Variants in ITGA1 observed in about 807,000 individuals in gnomAD.
The protein encoded by ITGA1 is integrin alpha-1.
ITGA1 carries 85 observed loss-of-function variants against 145.9 expected under a neutral mutation model. The ratio of observed to expected loss-of-function variants is 0.58; its 90% CI spans 0.49 to 0.70. The LOEUF is 0.70. ITGA1 is among the 30% of genes least tolerant of loss of function. The pLI, the probability that ITGA1 is intolerant of heterozygous loss-of-function variation, is 0.00. For missense variants in ITGA1, 1,351 were observed against 1,418.7 expected, an observed-to-expected ratio of 0.95 and a Z score of 0.77; for synonymous variants, 520 against 495.3, an observed-to-expected ratio of 1.05 and a Z score of -0.66.
intron 1 of ITGA1, among the ~76,000 whole-genome samples, chr5:52,823,455 C>T (rs1748911033): frequency 6.6e-6 from 1 of 152,196 alleles, no homozygotes; most frequent in Non-Finnish European, 1.5e-5. Context: ...ATCCACCCAC[C>T]TCAGTCTCCC....
At chr5:52,928,101 G>C (rs75566290) in intron 20 of ITGA1, among the ~76,000 whole-genome samples, 1 of 152,026 alleles carries the variant, frequency 6.6e-6, no homozygotes, top group Admixed American at 6.6e-5. Context: ...ATATATTTCT[G>C]TTATTTATAA....
Position 52,954,559 on chromosome 5 carries a change from T to C in ITGA1, c.*2108T>C, listed in dbSNP as rs1371510412. On this transcript the variant is annotated 3_prime_UTR_variant, in exon 29 of 29. Transcript: ENST00000282588. ...TTTAACATAAGTCATTCCTGGCTAT[T>C]AAGTAAAATATTTCATGAACCAGAA... The C allele has an allele frequency of 6.6e-6, 1 of 152,216 alleles. No individual in the cohort carries two copies. The highest frequency in any genetic ancestry group is 2.4e-5 in the African/African-American group (1 of 41,450). The allele number at this position is 152,216 out of a possible 1,614,324, so 9.4% of individuals were successfully genotyped here.
chr5:52,896,344 A>G (rs1579704397), intron 9 of ITGA1, among the ~76,000 whole-genome samples: 1 of 152,202 alleles, frequency 6.6e-6, no homozygotes, highest in East Asian at 1.9e-4. Flanking sequence ...TAAGTGAGAA[A>G]ACACCTGAAA....
intron 18 of ITGA1, among the ~76,000 whole-genome samples, chr5:52,924,127 C>A (rs1215569934): frequency 3.3e-5 from 5 of 152,118 alleles, no homozygotes; most frequent in Admixed American, 3.3e-4. Context: ...AATTCTTTTT[C>A]CCCATACACC....
rs1353945002 is a variant in ITGA1, at chr5:52,958,321, C to T, written c.*5870C>T. The T allele has an allele frequency of 6.6e-6, 1 of 152,204 alleles. No homozygotes were observed. Among genetic ancestry groups the T allele is most frequent in the African/African-American group, 2.4e-5 (1 of 41,442 alleles). 9.4% of individuals were successfully genotyped at this position (152,204 alleles called of 1,614,324 possible). On this transcript the variant is annotated 3_prime_UTR_variant, in exon 29 of 29. Transcript: ENST00000282588. ...CTCCTCAAAATACTTTAAGCTCACT[C>T]AGACCCCATATACCCTGCCCACAAT...
intron 6 of ITGA1, among the ~76,000 whole-genome samples, chr5:52,868,058 G>T (rs1580070496): frequency 6.6e-6 from 1 of 151,970 alleles, no homozygotes; most frequent in Non-Finnish European, 1.5e-5. Context: ...TTGTGTTCCC[G>T]CTTTCTCCAC....
intron 1 of ITGA1, among the ~76,000 whole-genome samples, chr5:52,820,660 T>C (rs1748864545): frequency 6.6e-6 from 1 of 152,134 alleles, no homozygotes. Flanking sequence ...TGCTAGGGAC[T>C]CTGGGACATA....
intron 9 of ITGA1, among the ~76,000 whole-genome samples, chr5:52,896,267 A>G (rs7735139): frequency 0.26 from 39,329 of 152,072 alleles, 5,155 homozygotes; most frequent in South Asian, 0.35. Context: ...TGAAGGCAGA[A>G]TAGCGGCAGG....
chr5:52,864,727 CTT>C (rs1349035826), intron 3 of ITGA1, 34 bp from the exon 4 acceptor site: 2 of 1,338,992 alleles, frequency 1.5e-6, no homozygotes, highest in African/African-American at 2.9e-5. Flanking sequence ...CTTTGTGAAA[CTT>C]TTCCTCCCTC....
intron 1 of ITGA1, among the ~76,000 whole-genome samples, chr5:52,819,051 T>C (rs1333566268): frequency 6.6e-6 from 1 of 152,130 alleles, no homozygotes; most frequent in Non-Finnish European, 1.5e-5. Flanking sequence ...GAGTTGTAGA[T>C]AGAAAACGGC....
intron 23 of ITGA1, among the ~76,000 whole-genome samples, chr5:52,934,401 A>G (rs951361463): frequency 6.6e-6 from 1 of 151,744 alleles, no homozygotes; most frequent in Non-Finnish European, 1.5e-5. Flanking sequence ...CTTTTTCATT[A>G]ATTATGACTA....
chr5:52,793,087 T>C (rs1454680991), intron 1 of ITGA1, among the ~76,000 whole-genome samples: 1 of 152,100 alleles, frequency 6.6e-6, no homozygotes, highest in African/African-American at 2.4e-5. Flanking sequence ...TTCCAAGAGA[T>C]ACCCTGAAGT....
chr5:52,925,548 A>G (rs745438148), intron 19 of ITGA1, 61 bp downstream of exon 19: 54 of 1,238,524 alleles, frequency 4.4e-5, no homozygotes, highest in Non-Finnish European at 6.4e-5. Flanking sequence ...CCTACTTTTC[A>G]TGCTACTGAG....
intron 1 of ITGA1, among the ~76,000 whole-genome samples, chr5:52,795,874 G>A (rs1393977245): frequency 6.6e-6 from 1 of 151,846 alleles, no homozygotes; most frequent in African/African-American, 2.4e-5. Context: ...ATTGCGGTCT[G>A]GGACTTATTT....
At position 52,877,822 on chromosome 5, in the gene ITGA1, C is replaced by A. The variant is rs112121062; in HGVS notation, c.625-4051C>A. Among the ~76,000 whole-genome samples the A allele has an allele frequency of 7.7e-3, 1,168 of 152,210 alleles. 16 individuals carry two copies. The highest frequency in any genetic ancestry group is 0.027 in the African/African-American group (1,121 of 41,502). On this transcript the variant is annotated intron_variant, in intron 6 of 28. Coordinates refer to ENST00000282588, the MANE Select transcript of ITGA1 (RefSeq NM_181501.2). ...GCCAAGAACCCTTGTGGGCTGAGACCCATTTTGGGGCTCACCTGTCCTGCA... is the reference window on the plus strand; with the variant it reads ...GCCAAGAACCCTTGTGGGCTGAGACACATTTTGGGGCTCACCTGTCCTGCA...
intron 6 of ITGA1, 136 bp from the exon 7 acceptor site, chr5:52,881,737 A>C: frequency 1.5e-6 from 1 of 659,096 alleles, no homozygotes. Flanking sequence ...ATTACTGTCA[A>C]AATAGAAGCA....
At chr5:52,898,521 T>C in intron 11 of ITGA1, 138 bp downstream of exon 11, 3 of 797,126 alleles carry the variant, frequency 3.8e-6, no homozygotes, top group South Asian at 2.2e-5. Flanking sequence ...CCAGAACCCA[T>C]GCAAAGTTTT....
intron 11 of ITGA1, among the ~76,000 whole-genome samples, chr5:52,901,511 T>G (rs1018616781): frequency 2.6e-5 from 4 of 152,234 alleles, no homozygotes; most frequent in African/African-American, 9.6e-5. Flanking sequence ...TATTTACAAA[T>G]TTAAAGACAC....
At chr5:52,844,996 C>T (rs536824077) in intron 1 of ITGA1, among the ~76,000 whole-genome samples, 7 of 152,196 alleles carry the variant, frequency 4.6e-5, no homozygotes, top group East Asian at 1.9e-4. Flanking sequence ...TCAGGCTCTT[C>T]GGTGCCTCAG....
Sources: allele counts gnomAD v4.1 joint callset (sites outside exome capture counted in the v4.1 genomes callset), GRCh38; gene constraint gnomAD v4.1.1; transcripts MANE v1.5; gene names NCBI Gene and HGNC (gene_info 2026-07-23, HGNC 2026-07-21).